The following PCDHGC3 variants were observed in gnomAD, a reference collection of about 807,000 sequenced individuals.
PCDHGC3 encodes protocadherin gamma-C3.
In PCDHGC3, 26 loss-of-function variants were observed where a neutral mutation model predicts 59.2. That is an observed-to-expected ratio of 0.44 (90% CI 0.32 to 0.61). The LOEUF is 0.61. PCDHGC3 is among the 20% of genes least tolerant of loss of function. PCDHGC3 has a pLI of 0.05. For missense variants in PCDHGC3, 1,080 were observed against 1,221.8 expected (o/e 0.88, Z 1.73); for synonymous variants, 487 against 519.7 (o/e 0.94, Z 0.86).
chr5:141,494,394 T>C (rs1437164389), intron 1 of PCDHGC3, among the ~76,000 whole-genome samples: 1 of 152,154 alleles, frequency 6.6e-6, no homozygotes, highest in African/African-American at 2.4e-5. Flanking sequence ...GTTGAATAAA[T>C]TCATTCTAGG....
chr5:141,494,778 CA>C (rs1228639033), intron 1 of PCDHGC3, 28 bp from the exon 2 acceptor site: 1 of 1,614,086 alleles, frequency 6.2e-7, no homozygotes, highest in Admixed American at 1.7e-5. Flanking sequence ...CACGGGTACT[CA>C]GCCCCTTTCC....
At position 141,489,586 on chromosome 5, in the gene PCDHGC3, C is replaced by T; in HGVS notation, c.2431-5221C>T. 1 of 1,614,082 alleles carries T rather than the reference C, an allele frequency of 6.2e-7. No individual in the cohort carries two copies. The highest frequency in any genetic ancestry group is 8.5e-7 in the Non-Finnish European group (1 of 1,179,988). On this transcript the variant is annotated intron_variant, in intron 1 of 3. Coordinates refer to ENST00000308177, the MANE Select transcript of PCDHGC3 (RefSeq NM_002588.4). This position sits in a 1 kb window ranked among gnomAD's most constrained non-coding sequence, Gnocchi z 4.5. ...GGTGGTGACTGAACACCCCCTGGAG[C>T]TAATCCGTGTAGAGGTAGAGATCCT...
At position 141,491,070 on chromosome 5, in the gene PCDHGC3, G is replaced by T. The variant is rs1405880268; in HGVS notation, c.2431-3737G>T. On this transcript the variant is annotated intron_variant, in intron 1 of 3. Transcript: ENST00000308177. The surrounding 1 kb of genome is among the most constrained non-coding windows in gnomAD (Gnocchi z 6.9). ...ATGCGTGGCTCTCCTACTCACTGTTGCCACAGTCCACAGCCCCAGGACTGT... is the reference window on the plus strand; with the variant it reads ...ATGCGTGGCTCTCCTACTCACTGTTTCCACAGTCCACAGCCCCAGGACTGT... 6.2e-7 allele frequency: 1 copy of T among 1,614,162 alleles called. No homozygotes were observed. Among genetic ancestry groups the T allele is most frequent in the Non-Finnish European group, 8.5e-7 (1 of 1,180,038 alleles).
At position 141,478,265 on chromosome 5, in the gene PCDHGC3, G is replaced by A; in HGVS notation, c.2149G>A (p.Val717Ile). 6.2e-7 allele frequency: 1 copy of A among 1,614,196 alleles called. No homozygotes were observed. The highest frequency in any genetic ancestry group is 1.3e-5 in the African/African-American group (1 of 75,082). Residue 717 changes from valine to isoleucine, a missense_variant, in exon 1 of 4, where the codon GTT (valine) becomes ATT (isoleucine). By Grantham distance (29) the Val-to-Ile change is conservative. Coordinates refer to ENST00000308177, the MANE Select transcript of PCDHGC3 (RefSeq NM_002588.4). ...AGTGTTCGGAGTAATCATATTCAAA[G>A]TTTACAAGTGGAAGCAGTCTAGAGA... ...VTVFGVIIFK[V>I]YKWKQSRDLY...
intron 1 of PCDHGC3, among the ~76,000 whole-genome samples, chr5:141,480,615 AT>A (rs1279544819): frequency 2.0e-5 from 3 of 152,218 alleles, no homozygotes; most frequent in African/African-American, 7.2e-5. Context: ...AGCAACTGGC[AT>A]TTTCCCTAGA....
chr5:141,496,163 A>T (rs1249396595), intron 2 of PCDHGC3, among the ~76,000 whole-genome samples: 2 of 150,100 alleles, frequency 1.3e-5, no homozygotes, highest in Non-Finnish European at 3.0e-5. Flanking sequence ...TCCACCAGAC[A>T]CCCTCCCATC....
intron 2 of PCDHGC3, among the ~76,000 whole-genome samples, chr5:141,495,936 T>C (rs1329369782): frequency 6.6e-6 from 1 of 152,206 alleles, no homozygotes; most frequent in Non-Finnish European, 1.5e-5. Flanking sequence ...GTCTCTGGTC[T>C]CTGTGCCTGT....
At chr5:141,503,325 G>A (rs1002520312) in intron 2 of PCDHGC3, among the ~76,000 whole-genome samples, 10 of 152,104 alleles carry the variant, frequency 6.6e-5, no homozygotes, top group East Asian at 1.9e-4. Flanking sequence ...GGAGGGGCGC[G>A]GTGGCTCACG....
Position 141,478,202 on chromosome 5 carries a change from C to T in PCDHGC3, c.2086C>T (p.Leu696Phe). 6.2e-7 allele frequency: 1 copy of T among 1,614,074 alleles called. No homozygotes were observed. Among genetic ancestry groups the T allele is most frequent in the Non-Finnish European group, 8.5e-7 (1 of 1,180,028 alleles). ...QKKNLTFYLLLSLILVSVGFV... is the reference protein window; with the variant it reads ...QKKNLTFYLLFSLILVSVGFV... ...AAAAAATCTCACCTTTTATCTACTTCTTTCTCTAATCCTGGTTTCTGTGGG... is the reference window on the plus strand; with the variant it reads ...AAAAAATCTCACCTTTTATCTACTTTTTTCTCTAATCCTGGTTTCTGTGGG... The change falls in exon 1 of 4, where the codon CTT becomes TTT. Residue 696 changes from leucine to phenylalanine, a missense_variant. By Grantham distance (22) the Leu-to-Phe change is conservative. Transcript: ENST00000308177.
At chr5:141,480,828 TAAGATC>T (rs1054950452) in intron 1 of PCDHGC3, among the ~76,000 whole-genome samples, 22 of 152,260 alleles carry the variant, frequency 1.4e-4, no homozygotes, top group African/African-American at 5.1e-4. Context: ...GGGTGGATCA[TAAGATC>T]AGGAGTTTGA....
chr5:141,491,817 G>T lies in PCDHGC3; in HGVS notation c.2431-2990G>T. On this transcript the variant is annotated intron_variant, in intron 1 of 3. Transcript: ENST00000308177. The surrounding 1 kb of genome is among the most constrained non-coding windows in gnomAD (Gnocchi z 6.9). ...TCTCCGGCCGGCTTGGTCGCTGGCT[G>T]CGCTCCACCCGATTCTCGGGATCAT... 1.3e-6 allele frequency: 2 copies of T among 1,484,188 alleles called. No homozygotes were observed. The highest frequency in any genetic ancestry group is 1.8e-6 in the Non-Finnish European group (2 of 1,117,664). 91.9% of individuals were successfully genotyped at this position (1,484,188 alleles called of 1,614,324 possible).
Position 141,490,765 on chromosome 5 carries a change from G to A in PCDHGC3, c.2431-4042G>A. The A allele has an allele frequency of 6.2e-7, 1 of 1,614,076 alleles. No individual in the cohort carries two copies. The highest frequency in any genetic ancestry group is 8.5e-7 in the Non-Finnish European group (1 of 1,179,914). ...AGCCCCAGCCTCCTCCTTTGTGTAT[G>A]TCAACCCAGAGGATGGACGGATCTT... On this transcript the variant is annotated intron_variant, in intron 1 of 3. Coordinates refer to ENST00000308177, the MANE Select transcript of PCDHGC3 (RefSeq NM_002588.4). This position sits in a 1 kb window ranked among gnomAD's most constrained non-coding sequence, Gnocchi z 5.4.
At position 141,485,880 on chromosome 5, in the gene PCDHGC3, A is replaced by G; in HGVS notation, c.2430+7334A>G. 1 of 1,614,124 alleles carries G rather than the reference A, an allele frequency of 6.2e-7. No individual in the cohort carries two copies. Among genetic ancestry groups the G allele is most frequent in the Non-Finnish European group, 8.5e-7 (1 of 1,180,026 alleles). On this transcript the variant is annotated intron_variant, in intron 1 of 3. Transcript: ENST00000308177. The surrounding 1 kb of genome is among the most constrained non-coding windows in gnomAD (Gnocchi z 5.7). ...CTCCGGGTATCCGTGCTGGACGTAA[A>G]CGACAACGCCCCAGCCTTCCAGCAA... is the stretch of plus-strand genomic sequence containing the variant.
At position 141,486,720 on chromosome 5, in the gene PCDHGC3, C is replaced by G; in HGVS notation, c.2431-8087C>G. ...ATCTCTCTGAACCCCCAGACAGGAG[C>G]TGTTCATGCTACTCGATCCTTTGAC... On this transcript the variant is annotated intron_variant, in intron 1 of 3. Coordinates refer to ENST00000308177, the MANE Select transcript of PCDHGC3 (RefSeq NM_002588.4). This position sits in a 1 kb window ranked among gnomAD's most constrained non-coding sequence, Gnocchi z 5.0. The G allele has an allele frequency of 6.2e-7, 1 of 1,614,216 alleles. No homozygotes were observed. Among genetic ancestry groups the G allele is most frequent in the Non-Finnish European group, 8.5e-7 (1 of 1,180,038 alleles).
chr5:141,496,440 A>G (rs2099768848), intron 2 of PCDHGC3, among the ~76,000 whole-genome samples: 1 of 152,158 alleles, frequency 6.6e-6, no homozygotes, highest in South Asian at 2.1e-4. Flanking sequence ...AAGTTGCTAC[A>G]GATGCTGAGC....
chr5:141,483,620 A>G (rs192148102), intron 1 of PCDHGC3, among the ~76,000 whole-genome samples: 472 of 151,650 alleles, frequency 3.1e-3, no homozygotes, highest in Non-Finnish European at 5.0e-3. Context: ...CATCATTCCC[A>G]TGGGAGAAGG....
At chr5:141,499,548 A>G (rs1312910986) in intron 2 of PCDHGC3, among the ~76,000 whole-genome samples, 3 of 152,226 alleles carry the variant, frequency 2.0e-5, no homozygotes, top group African/African-American at 7.2e-5. Flanking sequence ...ATGAACCTGT[A>G]TGATACCACT....
intron 2 of PCDHGC3, 106 bp downstream of exon 2, chr5:141,494,971 C>T (rs1244836841): frequency 1.3e-6 from 2 of 1,583,382 alleles, no homozygotes; most frequent in African/African-American, 1.3e-5. Context: ...ATGGCTTCTC[C>T]CTCAGTTTGA....
At chr5:141,499,022 AAGG>A (rs2099788758) in intron 2 of PCDHGC3, among the ~76,000 whole-genome samples, 3 of 150,722 alleles carry the variant, frequency 2.0e-5, no homozygotes, top group Non-Finnish European at 3.0e-5. Context: ...GGAAGGAAGG[AAGG>A]AAGAAAAGAA....
Sources: allele counts gnomAD v4.1 joint callset (sites outside exome capture counted in the v4.1 genomes callset), GRCh38; gene constraint gnomAD v4.1.1; non-coding constraint Gnocchi (gnomAD v3.1); transcripts MANE v1.5; gene names NCBI Gene and HGNC (gene_info 2026-07-23, HGNC 2026-07-21).